Variants in CCND2 observed in about 807,000 individuals in gnomAD.
CCND2 encodes G1/S-specific cyclin-D2.
A neutral mutation model predicts 30.2 loss-of-function variants in CCND2; 6 were observed. That is an observed-to-expected ratio of 0.20 (90% CI 0.11 to 0.39). The LOEUF is 0.39. Among genes scored for constraint, CCND2 ranks in the 10% least tolerant of loss-of-function variants. CCND2 has a pLI of 1.00. For synonymous variants in CCND2, 150 were observed against 153.1 expected, an observed-to-expected ratio of 0.98 and a Z score of 0.15; for missense variants, 235 against 373.4, an observed-to-expected ratio of 0.63 and a Z score of 3.06.
intron 4 of CCND2, among the ~76,000 whole-genome samples, chr12:4,290,660 A>G (rs1864088370): frequency 6.8e-6 from 1 of 147,520 alleles, no homozygotes; most frequent in African/African-American, 2.6e-5. Context: ...TGACCACCCT[A>G]CCGGCTCCAG....
chr12:4,282,073 C>A lies in CCND2; in HGVS notation c.571+3154C>A, dbSNP rs1208659275. Among the ~76,000 whole-genome samples, 2 of 152,186 alleles carry A rather than the reference C, an allele frequency of 1.3e-5. No homozygotes were observed. The highest frequency in any genetic ancestry group is 2.4e-5 in the African/African-American group (1 of 41,428). ...CCTGGTTGCCGCTCTGCTGATAGAA[C>A]ACCCAGGTCTGCAAGCGAGGAAAGA... On this transcript the variant is annotated intron_variant, in intron 3 of 4. Transcript: ENST00000261254. The surrounding 1 kb of genome is among the most constrained non-coding windows in gnomAD (Gnocchi z 4.3).
chr12:4,286,322 C>G (rs879111815), intron 3 of CCND2, among the ~76,000 whole-genome samples: 1 of 152,226 alleles, frequency 6.6e-6, no homozygotes, highest in Admixed American at 6.5e-5. Flanking sequence ...TCTCACCCAA[C>G]CCGTTATTAG....
At chr12:4,277,863 G>A (rs1426106149) in intron 2 of CCND2, among the ~76,000 whole-genome samples, 1 of 152,262 alleles carries the variant, frequency 6.6e-6, no homozygotes, top group Non-Finnish European at 1.5e-5. Flanking sequence ...TTTTCTGGTA[G>A]CACATACGAT....
intron 2 of CCND2, 135 bp from the exon 3 acceptor site, chr12:4,278,625 G>A (rs1222653106): frequency 2.9e-6 from 2 of 701,726 alleles, no homozygotes; most frequent in Admixed American, 3.0e-5. Flanking sequence ...TGACAAATGG[G>A]CCCGCCTTAC....
chr12:4,297,221 G>C (rs1864182226), intron 4 of CCND2, among the ~76,000 whole-genome samples: 1 of 152,090 alleles, frequency 6.6e-6, no homozygotes, highest in Non-Finnish European at 1.5e-5. Flanking sequence ...AAATTTTTTA[G>C]ATTATTAGGA....
intron 4 of CCND2, among the ~76,000 whole-genome samples, chr12:4,298,703 T>C (rs1432004847): frequency 6.6e-6 from 1 of 152,264 alleles, no homozygotes; most frequent in Non-Finnish European, 1.5e-5. Context: ...ATTTGCCTTA[T>C]GTATGTGCTT....
chr12:4,273,910 C>G lies in CCND2; in HGVS notation c.-131C>G, dbSNP rs931533993. The stretch of plus-strand genomic sequence containing the variant: ...TCTCTCTCTGCCCTCACCTCTCCCC[C>G]GAAAACCCCCTATTTAGCCAAAGGA... On this transcript the variant is annotated 5_prime_UTR_variant, in exon 1 of 5. Transcript: ENST00000261254. This position sits in a 1 kb window ranked among gnomAD's most constrained non-coding sequence, Gnocchi z 5.9. 19 of 868,078 alleles carry G rather than the reference C, an allele frequency of 2.2e-5. No individual in the cohort carries two copies. The highest frequency in any genetic ancestry group is 8.4e-5 in the Admixed American group (3 of 35,746). The allele number at this position is 868,078 out of a possible 1,614,324, so 53.8% of individuals were successfully genotyped here. A position where few individuals can be genotyped will look rare whatever the true frequency, so the allele number is the denominator to read the frequency against.
In CCND2 at chr12:4,279,449, C is replaced by T. The variant is rs184458183; in HGVS notation, c.571+530C>T. ...TATGGCCTTCTAGCTGTTTGCTTCTCTAGCTGTTTGCCCCACTGGGCGCGG... is the reference window on the plus strand; with the variant it reads ...TATGGCCTTCTAGCTGTTTGCTTCTTTAGCTGTTTGCCCCACTGGGCGCGG... On this transcript the variant is annotated intron_variant, in intron 3 of 4. Transcript: ENST00000261254. Among the ~76,000 whole-genome samples, 257 of 147,510 alleles carry T rather than the reference C, an allele frequency of 1.7e-3. 1 individual carries two copies. Among genetic ancestry groups the T allele is most frequent in the African/African-American group, 6.2e-3 (248 of 39,722 alleles).
chr12:4,289,650 T>C (rs1452808189), intron 4 of CCND2, among the ~76,000 whole-genome samples: 1 of 152,240 alleles, frequency 6.6e-6, no homozygotes, highest in African/African-American at 2.4e-5. Context: ...TGCCAGAATT[T>C]GGAGCTCCTG....
chr12:4,291,390 A>T (rs1864099409), intron 4 of CCND2, among the ~76,000 whole-genome samples: 1 of 152,130 alleles, frequency 6.6e-6, no homozygotes, highest in Non-Finnish European at 1.5e-5. Flanking sequence ...TCTGTTTACC[A>T]TTTCACGAGT....
In CCND2 at chr12:4,299,752, T is replaced by C. The variant is rs1300509455; in HGVS notation, c.721-108T>C. On this transcript the variant is annotated intron_variant, in intron 4 of 4. Coordinates refer to ENST00000261254, the MANE Select transcript of CCND2 (RefSeq NM_001759.4). The surrounding 1 kb of genome is among the most constrained non-coding windows in gnomAD (Gnocchi z 5.2). Reference sequence around the variant, plus strand: ...TCCTTTACTTCACATTTATTTCTACTGGAAACTAGCACAGACTTATGCAAG... The same window carrying C: ...TCCTTTACTTCACATTTATTTCTACCGGAAACTAGCACAGACTTATGCAAG... 6 of 1,097,674 alleles carry C rather than the reference T, an allele frequency of 5.5e-6. No homozygotes were observed. The highest frequency in any genetic ancestry group is 1.6e-5 in the African/African-American group (1 of 64,346). The allele number at this position is 1,097,674 out of a possible 1,614,324, so 68.0% of individuals were successfully genotyped here.
Position 4,285,463 on chromosome 12 carries a change from C to T in CCND2, c.572-3379C>T, listed in dbSNP as rs940554395. Reference sequence around the variant, plus strand: ...GTTTTTATTTGTTAAAATAATATTACGTACAAATTTTACAAACTCATCTGT... The same window carrying T: ...GTTTTTATTTGTTAAAATAATATTATGTACAAATTTTACAAACTCATCTGT... On this transcript the variant is annotated intron_variant, in intron 3 of 4. Coordinates refer to ENST00000261254, the MANE Select transcript of CCND2 (RefSeq NM_001759.4). This position sits in a 1 kb window ranked among gnomAD's most constrained non-coding sequence, Gnocchi z 4.1. The T allele has an allele frequency of 4.1e-6, 4 of 977,630 alleles. No individual in the cohort carries two copies. Among genetic ancestry groups the T allele is most frequent in the Non-Finnish European group, 3.6e-6 (3 of 822,830 alleles). The allele number at this position is 977,630 out of a possible 1,614,324, so 60.6% of individuals were successfully genotyped here. A position where few individuals can be genotyped will look rare whatever the true frequency, so the allele number is the denominator to read the frequency against.
In CCND2 at chr12:4,295,900, AC is replaced by A. The variant is rs778765149; in HGVS notation, c.721-3958del. Reference sequence around the variant, plus strand: ...AACCTTCCTCTGTTTTATGTGGGACACCTGGGCACCCACTCTTGGCTGGAAC... The same window carrying A: ...AACCTTCCTCTGTTTTATGTGGGACACTGGGCACCCACTCTTGGCTGGAAC... On this transcript the variant is annotated intron_variant, in intron 4 of 4. Transcript: ENST00000261254. Among the ~76,000 whole-genome samples, 61 of 152,364 alleles carry A rather than the reference AC, an allele frequency of 4.0e-4. No homozygotes were observed. The Middle Eastern group carries it at 0.01, about 25-fold the overall frequency.
In CCND2 at chr12:4,274,427, G is replaced by C. The variant is rs1863833243; in HGVS notation, c.195+192G>C. 6.6e-6 allele frequency among the ~76,000 whole-genome samples: 1 copy of C among 152,246 alleles called. No homozygotes were observed. The highest frequency in any genetic ancestry group is 2.1e-4 in the South Asian group (1 of 4,838). On this transcript the variant is annotated intron_variant, in intron 1 of 4. Transcript: ENST00000261254. This position sits in a 1 kb window ranked among gnomAD's most constrained non-coding sequence, Gnocchi z 7.7. ...CCTCTCCAGATAAACTGGGGAGGCA[G>C]AGGGGGGAGGAAAATCTGGGAGAAG...
chr12:4,298,605 T>G (rs1864206132), intron 4 of CCND2, among the ~76,000 whole-genome samples: 1 of 152,166 alleles, frequency 6.6e-6, no homozygotes, highest in Non-Finnish European at 1.5e-5. Flanking sequence ...AATAGAAACC[T>G]CTGGGTGGGG....
chr12:4,286,899 G>T (rs2120555079), intron 3 of CCND2, among the ~76,000 whole-genome samples: 1 of 152,358 alleles, frequency 6.6e-6, no homozygotes, highest in East Asian at 1.9e-4. Flanking sequence ...CTCTTCCCTG[G>T]CAGATGCTCC....
Position 4,274,303 on chromosome 12 carries a change from C to T in CCND2, c.195+68C>T. The T allele has an allele frequency of 6.5e-7, 1 of 1,542,724 alleles. No homozygotes were observed. The highest frequency in any genetic ancestry group is 8.9e-7 in the Non-Finnish European group (1 of 1,126,000). ...GGATGCTCGGGTCCCCGGCCGGAGCCCTAAACCTGGGAGAGGGCAATCCCC... is the reference window on the plus strand; with the variant it reads ...GGATGCTCGGGTCCCCGGCCGGAGCTCTAAACCTGGGAGAGGGCAATCCCC... On this transcript the variant is annotated intron_variant, in intron 1 of 4. Transcript: ENST00000261254. The surrounding 1 kb of genome is among the most constrained non-coding windows in gnomAD (Gnocchi z 7.7).
intron 4 of CCND2, among the ~76,000 whole-genome samples, chr12:4,296,928 T>TG (rs1238639878): frequency 6.6e-6 from 1 of 152,206 alleles, no homozygotes; most frequent in East Asian, 1.9e-4. Context: ...GGCTGGAATG[T>TG]GGGGTTGAAG....
chr12:4,297,398 C>A (rs989802584), intron 4 of CCND2, among the ~76,000 whole-genome samples: 51 of 151,648 alleles, frequency 3.4e-4, no homozygotes, highest in Admixed American at 2.5e-3. Flanking sequence ...TGGTGAAATC[C>A]CATCTCAACT....
Sources: gnomAD v4.1 joint callset for allele counts (sites outside exome capture counted in the v4.1 genomes callset) on GRCh38, gnomAD v4.1.1 for gene constraint, Gnocchi (gnomAD v3.1) non-coding constraint, MANE v1.5 for transcripts, NCBI Gene and HGNC (gene_info 2026-07-23, HGNC 2026-07-21) for gene names.